The following PTPRN2 variants were observed in gnomAD, a reference collection of about 807,000 sequenced individuals.
PTPRN2 encodes receptor-type tyrosine-protein phosphatase N2.
In PTPRN2, 74 loss-of-function variants were observed where a neutral mutation model predicts 118.8. The ratio of observed to expected loss-of-function variants is 0.62; its 90% CI spans 0.52 to 0.76. The LOEUF is 0.76. Ranked by LOEUF, PTPRN2 falls within the 30% of genes least tolerant of loss-of-function variation. The probability of loss-of-function intolerance (pLI) is 0.00; values close to 1 mark genes in which losing one functional copy is unlikely to be tolerated. For synonymous variants in PTPRN2, 641 were observed against 608.0 expected (o/e 1.05, Z -0.80); for missense variants, 1,481 against 1,394.4 (o/e 1.06, Z -0.99).
At chr7:158,004,940 A>G (rs1218334421) in intron 11 of PTPRN2, among the ~76,000 whole-genome samples, 1 of 152,212 alleles carries the variant, frequency 6.6e-6, no homozygotes, top group Non-Finnish European at 1.5e-5. Flanking sequence ...CTAAATGCTA[A>G]TAGATACATA....
chr7:158,031,990 A>G lies in PTPRN2; in HGVS notation c.1723+49308T>C, dbSNP rs776057931. ...CTTCATGGTGCAGAAGGACATGGTG[A>G]GCAGCCCAGCTCTCACTTTCAAGGG... is the stretch of plus-strand genomic sequence containing the variant. On this transcript the variant is annotated intron_variant, in intron 11 of 22. Transcript: ENST00000389418. 4.6e-4 allele frequency among the ~76,000 whole-genome samples: 70 copies of G among 152,302 alleles called. 1 individual carries two copies. Among genetic ancestry groups the G allele is most frequent in the Non-Finnish European group, 8.1e-4 (55 of 68,034 alleles).
chr7:157,778,814 C>T (rs200048758), intron 12 of PTPRN2, among the ~76,000 whole-genome samples: 35 of 151,584 alleles, frequency 2.3e-4, no homozygotes, highest in Non-Finnish European at 3.2e-4. Flanking sequence ...ATACAGGTGC[C>T]GCCGAATGCC....
intron 21 of PTPRN2, among the ~76,000 whole-genome samples, chr7:157,558,660 C>G (rs1347744444): frequency 6.6e-6 from 1 of 152,258 alleles, no homozygotes; most frequent in Non-Finnish European, 1.5e-5. Flanking sequence ...ATGCGTGAAG[C>G]ATGCAGCCAG....
chr7:157,988,489 A>G (rs1803990151), intron 11 of PTPRN2, among the ~76,000 whole-genome samples: 1 of 152,186 alleles, frequency 6.6e-6, no homozygotes, highest in African/African-American at 2.4e-5. Flanking sequence ...TCACGTGCTG[A>G]TAGACCAAAC....
intron 11 of PTPRN2, among the ~76,000 whole-genome samples, chr7:157,970,889 GC>G (rs1224735086): frequency 6.6e-6 from 1 of 152,170 alleles, no homozygotes; most frequent in Non-Finnish European, 1.5e-5. Context: ...AGTGACCAAA[GC>G]TGGCTTGTCC....
At chr7:158,431,116 T>C (rs1816134993) in intron 2 of PTPRN2, among the ~76,000 whole-genome samples, 1 of 152,194 alleles carries the variant, frequency 6.6e-6, no homozygotes, top group Admixed American at 6.5e-5. Flanking sequence ...AACCAAATTC[T>C]TATCTGAATG....
At chr7:157,916,164 T>C (rs1398217177) in intron 11 of PTPRN2, among the ~76,000 whole-genome samples, 1 of 152,246 alleles carries the variant, frequency 6.6e-6, no homozygotes, top group Non-Finnish European at 1.5e-5. Context: ...CGACACCTTT[T>C]CTTTGTGTGG....
intron 21 of PTPRN2, among the ~76,000 whole-genome samples, chr7:157,555,712 C>T (rs577664510): frequency 2.9e-4 from 44 of 152,272 alleles, no homozygotes; most frequent in African/African-American, 9.4e-4. Flanking sequence ...AAAGTAAAAA[C>T]GACAATGTGT....
intron 13 of PTPRN2, among the ~76,000 whole-genome samples, chr7:157,663,120 C>G (rs768909707): frequency 2.0e-5 from 3 of 151,932 alleles, no homozygotes; most frequent in Admixed American, 1.3e-4. Flanking sequence ...TTCTGCAGCC[C>G]GAGCTCCACC....
intron 12 of PTPRN2, among the ~76,000 whole-genome samples, chr7:157,812,468 A>G (rs1194166363): frequency 3.3e-5 from 5 of 152,190 alleles, no homozygotes; most frequent in South Asian, 2.1e-4. Context: ...GACTTCTTTC[A>G]TCAAGAGGAA....
At chr7:157,991,950 T>G (rs1804287605) in intron 11 of PTPRN2, among the ~76,000 whole-genome samples, 1 of 151,980 alleles carries the variant, frequency 6.6e-6, no homozygotes, top group Non-Finnish European at 1.5e-5. Flanking sequence ...TGCATGACAG[T>G]CAGGGCCTCC....
chr7:157,953,249 G>A lies in PTPRN2; in HGVS notation c.1724-54512C>T, dbSNP rs536523118. 2.0e-5 allele frequency among the ~76,000 whole-genome samples: 3 copies of A among 152,320 alleles called. No individual in the cohort carries two copies. Among genetic ancestry groups the A allele is most frequent in the Non-Finnish European group, 1.5e-5 (1 of 68,016 alleles). ...CGTGTTCAATATGTGATGAGCTTTC[G>A]GGAAGGACAGGAGAGCCGGGTGTGA... is the stretch of plus-strand genomic sequence containing the variant. On this transcript the variant is annotated intron_variant, in intron 11 of 22. Coordinates refer to ENST00000389418, the MANE Select transcript of PTPRN2 (RefSeq NM_002847.5). The surrounding 1 kb of genome is among the most constrained non-coding windows in gnomAD (Gnocchi z 4.6).
rs1796398568 is a variant in PTPRN2, at chr7:157,671,309, C to T, written c.2001+11416G>A. On this transcript the variant is annotated intron_variant, in intron 13 of 22. Transcript: ENST00000389418. This position sits in a 1 kb window ranked among gnomAD's most constrained non-coding sequence, Gnocchi z 4.1. ...AGGCCCGCTCTGCACCCAGGCCTGC[C>T]TCCATCCAACACAATGAGGAAGTCA... is the stretch of plus-strand genomic sequence containing the variant. Among the ~76,000 whole-genome samples the T allele has an allele frequency of 6.6e-6, 1 of 152,196 alleles. No individual in the cohort carries two copies. Among genetic ancestry groups the T allele is most frequent in the African/African-American group, 2.4e-5 (1 of 41,454 alleles).
chr7:158,501,745 T>TGGATTTTTTGAA (rs1211449488), intron 1 of PTPRN2, among the ~76,000 whole-genome samples: 1 of 152,190 alleles, frequency 6.6e-6, no homozygotes. Context: ...GGCCAACGCG[T>TGGATTTTTTGAA]GTTTCGGCAG....
At chr7:157,701,269 G>C (rs901988916) in intron 12 of PTPRN2, among the ~76,000 whole-genome samples, 11 of 152,180 alleles carry the variant, frequency 7.2e-5, no homozygotes, top group Non-Finnish European at 1.6e-4. Context: ...ACAGGGGAGA[G>C]CTCCGTTCTT....
At position 157,540,730 on chromosome 7, in the gene PTPRN2, T is replaced by C. The variant is rs1797972479; in HGVS notation, c.3032A>G (p.Lys1011Arg). 1 of 1,566,460 alleles carries C rather than the reference T, an allele frequency of 6.4e-7. No homozygotes were observed. Among genetic ancestry groups the C allele is most frequent in the Non-Finnish European group, 8.7e-7 (1 of 1,155,264 alleles). ...GGCTGCCGCTCACTGGGGAAGGGCC[T>C]TGAGGATGGCGTTCACCTCCTCAGC... ...AVAEEVNAIL[K>R]ALPQ The change falls in exon 23 of 23, where the codon AAG (lysine) becomes AGG (arginine). Residue 1011 changes from lysine to arginine, a missense_variant. Around this residue, in one of 3 missense-constraint regions of PTPRN2, gnomAD observed 362 missense variants for 384.1 expected, o/e 0.94. Transcript: ENST00000389418.
At chr7:158,373,209 G>A (rs987810181) in intron 2 of PTPRN2, among the ~76,000 whole-genome samples, 2 of 152,232 alleles carry the variant, frequency 1.3e-5, no homozygotes, top group South Asian at 2.1e-4. Context: ...ACGCCCGTAC[G>A]CTGCGGAATC....
intron 9 of PTPRN2, among the ~76,000 whole-genome samples, chr7:158,131,823 TACAC>T (rs1386153195): frequency 3.7e-5 from 5 of 135,438 alleles, no homozygotes; most frequent in Admixed American, 1.5e-4. Context: ...AATACGCAAA[TACAC>T]ACATCTACCC....
At chr7:157,973,919 G>C (rs951968047) in intron 11 of PTPRN2, among the ~76,000 whole-genome samples, 2 of 152,188 alleles carry the variant, frequency 1.3e-5, no homozygotes, top group Non-Finnish European at 2.9e-5. Context: ...CCTTCTGTTG[G>C]GGGGACTGGA....
Sources: allele counts gnomAD v4.1 joint callset (sites outside exome capture counted in the v4.1 genomes callset), GRCh38; gene constraint gnomAD v4.1.1; regional missense constraint gnomAD v4.1.1; non-coding constraint Gnocchi (gnomAD v3.1); transcripts MANE v1.5; gene names NCBI Gene and HGNC (gene_info 2026-07-23, HGNC 2026-07-21).